PDZRN4: variants seen among roughly 807,000 people sequenced by gnomAD.
The protein encoded by PDZRN4 is PDZ domain-containing RING finger protein 4.
A neutral mutation model predicts 99.0 loss-of-function variants in PDZRN4; 70 were observed. The observed-to-expected ratio is 0.71, with a 90% confidence interval of 0.58 to 0.86. The LOEUF is 0.86. Among genes scored for constraint, PDZRN4 ranks in the 40% least tolerant of loss-of-function variants. The probability of loss-of-function intolerance (pLI) is 0.00; values close to 1 mark genes in which losing one functional copy is unlikely to be tolerated. For synonymous variants in PDZRN4, 551 were observed against 501.6 expected, an observed-to-expected ratio of 1.10 and a Z score of -1.32; for missense variants, 1,474 against 1,331.2, an observed-to-expected ratio of 1.11 and a Z score of -1.67.
intron 3 of PDZRN4, among the ~76,000 whole-genome samples, chr12:41,266,795 G>A (rs1420905762): frequency 6.6e-6 from 1 of 152,138 alleles, no homozygotes; most frequent in Non-Finnish European, 1.5e-5. Context: ...TATTTCTTGT[G>A]AAAGTATTCA....
intron 3 of PDZRN4, among the ~76,000 whole-genome samples, chr12:41,398,486 A>C (rs1186713441): frequency 1.3e-5 from 2 of 152,174 alleles, no homozygotes; most frequent in African/African-American, 4.8e-5. Context: ...TTTCTAGAAA[A>C]ATATTAGAAC....
At chr12:41,226,373 T>C (rs1950994942) in intron 3 of PDZRN4, among the ~76,000 whole-genome samples, 1 of 152,084 alleles carries the variant, frequency 6.6e-6, no homozygotes, top group Admixed American at 6.6e-5. Flanking sequence ...CCTATCTACT[T>C]CTCACTAGAT....
At chr12:41,196,269 C>T (rs762924669) in intron 3 of PDZRN4, among the ~76,000 whole-genome samples, 4 of 151,886 alleles carry the variant, frequency 2.6e-5, no homozygotes, top group South Asian at 4.2e-4. Flanking sequence ...TAACTAGCTG[C>T]GGTATTATTA....
At chr12:41,447,130 T>C (rs977924465) in intron 3 of PDZRN4, among the ~76,000 whole-genome samples, 2 of 152,074 alleles carry the variant, frequency 1.3e-5, no homozygotes, top group Non-Finnish European at 2.9e-5. Flanking sequence ...CTTCAGTCAA[T>C]TTTAATCATA....
At position 41,188,399 on chromosome 12, in the gene PDZRN4, G is replaced by C. The variant is rs1013701895; in HGVS notation, c.-57G>C. ...CCCGGGGGTGGCCCGGGGAAGGCAG[G>C]GGGGCTCGGAGAAGACGGACTCTGC... On this transcript the variant is annotated 5_prime_UTR_variant, in exon 1 of 10. Transcript: ENST00000402685. 9.7e-6 allele frequency: 14 copies of C among 1,442,076 alleles called. No homozygotes were observed. Among genetic ancestry groups the C allele is most frequent in the South Asian group, 1.4e-5 (1 of 71,168 alleles). 89.3% of individuals were successfully genotyped at this position (1,442,076 alleles called of 1,614,324 possible).
chr12:41,362,456 T>C (rs202205885), intron 3 of PDZRN4, among the ~76,000 whole-genome samples: 2 of 151,790 alleles, frequency 1.3e-5, no homozygotes, highest in African/African-American at 4.8e-5. Flanking sequence ...TGAATTTTTG[T>C]CTAATTGCAG....
In PDZRN4 at chr12:41,567,877, C is replaced by A; in HGVS notation, c.1562C>A (p.Pro521His). Reference sequence around the variant, plus strand: ...GAAGAGCATAATGAAGCAATGCAGCCCACTGCCAATGAGGTGGAGCAGGTA... The same window carrying A: ...GAAGAGCATAATGAAGCAATGCAGCACACTGCCAATGAGGTGGAGCAGGTA... ...LEEEHNEAMQ[P>H]TANEVEQPKK... The change falls in exon 9 of 10, where the codon CCC (proline) becomes CAC (histidine). Residue 521 changes from proline to histidine, a missense_variant. Transcript: ENST00000402685. The A allele has an allele frequency of 6.2e-7, 1 of 1,609,148 alleles. No individual in the cohort carries two copies. The highest frequency in any genetic ancestry group is 8.5e-7 in the Non-Finnish European group (1 of 1,176,472).
Position 41,420,729 on chromosome 12 carries a change from A to G in PDZRN4, c.844-85727A>G, listed in dbSNP as rs143228601. Among the ~76,000 whole-genome samples, 679 of 152,256 alleles carry G rather than the reference A, an allele frequency of 4.5e-3. 1 individual carries two copies. The highest frequency in any genetic ancestry group is 0.016 in the African/African-American group (651 of 41,544). The stretch of plus-strand genomic sequence containing the variant: ...TTATTTTAAAATCTAGGGATATCCA[A>G]AAGCTCAGTTCTTGACCCTTTTTTC... On this transcript the variant is annotated intron_variant, in intron 3 of 9. Transcript: ENST00000402685.
chr12:41,569,084 G>A (rs187374315), intron 9 of PDZRN4, among the ~76,000 whole-genome samples: 2 of 150,820 alleles, frequency 1.3e-5, no homozygotes, highest in Admixed American at 6.6e-5. Context: ...TTACAGGCAT[G>A]AGCCACCGTG....
rs17835484 is a variant in PDZRN4, at chr12:41,517,631, A to G, written c.1203+7718A>G. Among the ~76,000 whole-genome samples the G allele has an allele frequency of 7.6e-3, 1,156 of 152,200 alleles. 52 individuals are homozygous for G. In the East Asian group the frequency reaches 0.14, roughly 18 times the overall value. ...CTGTCTCTTGAATGAATCATATTCC[A>G]CCTGTGTGCTCCACAGAACAACCAG... On this transcript the variant is annotated intron_variant, in intron 5 of 9. Transcript: ENST00000402685.
intron 3 of PDZRN4, among the ~76,000 whole-genome samples, chr12:41,262,036 C>G (rs1951243978): frequency 6.6e-6 from 1 of 152,126 alleles, no homozygotes; most frequent in Non-Finnish European, 1.5e-5. Flanking sequence ...GGACATTTGT[C>G]CGGTGATTGC....
chr12:41,569,572 C>G (rs1157827509), intron 9 of PDZRN4, among the ~76,000 whole-genome samples: 1 of 152,152 alleles, frequency 6.6e-6, no homozygotes, highest in East Asian at 1.9e-4. Context: ...TAATTCTTAA[C>G]ACATCTTAAA....
At chr12:41,469,660 G>A (rs1466478394) in intron 3 of PDZRN4, among the ~76,000 whole-genome samples, 1 of 152,054 alleles carries the variant, frequency 6.6e-6, no homozygotes, top group Non-Finnish European at 1.5e-5. Flanking sequence ...TGCTGGGCAG[G>A]GTGGCTCACG....
chr12:41,264,076 A>G (rs1688508676), intron 3 of PDZRN4, among the ~76,000 whole-genome samples: 1 of 152,188 alleles, frequency 6.6e-6, no homozygotes, highest in Non-Finnish European at 1.5e-5. Context: ...AAATTTACCA[A>G]TTTAAGGAAA....
intron 3 of PDZRN4, among the ~76,000 whole-genome samples, chr12:41,314,141 C>T (rs189259946): frequency 2.6e-5 from 4 of 152,098 alleles, no homozygotes; most frequent in African/African-American, 9.7e-5. Flanking sequence ...TAAGTATGAA[C>T]AGCTTTTAGG....
chr12:41,231,784 C>G (rs1174976130), intron 3 of PDZRN4, among the ~76,000 whole-genome samples: 4 of 151,996 alleles, frequency 2.6e-5, no homozygotes, highest in Non-Finnish European at 5.9e-5. Flanking sequence ...AGTTACTAAA[C>G]TACATCTTGA....
At chr12:41,553,538 A>C (rs1417929520) in intron 6 of PDZRN4, among the ~76,000 whole-genome samples, 2 of 152,082 alleles carry the variant, frequency 1.3e-5, no homozygotes, top group African/African-American at 4.8e-5. Context: ...AAAAAAAAAA[A>C]AAATATTTAG....
intron 3 of PDZRN4, among the ~76,000 whole-genome samples, chr12:41,202,863 T>C (rs1021938074): frequency 4.6e-5 from 7 of 152,044 alleles, no homozygotes; most frequent in Admixed American, 6.6e-5. Flanking sequence ...TGCAATTTAG[T>C]ATAGAATACC....
At chr12:41,377,228 T>C (rs1285174217) in intron 3 of PDZRN4, among the ~76,000 whole-genome samples, 1 of 152,184 alleles carries the variant, frequency 6.6e-6, no homozygotes, top group Non-Finnish European at 1.5e-5. Context: ...TGTGGTTCCA[T>C]ATGATAGGAT....
Sources: allele counts gnomAD v4.1 joint callset (sites outside exome capture counted in the v4.1 genomes callset), GRCh38; gene constraint gnomAD v4.1.1; transcripts MANE v1.5; gene names NCBI Gene and HGNC (gene_info 2026-07-23, HGNC 2026-07-21).